The following MFSD1 variants were observed in gnomAD, a reference collection of about 807,000 sequenced individuals.
MFSD1 encodes the protein lysosomal dipeptide transporter MFSD1.
In MFSD1, 59 loss-of-function variants were observed where a neutral mutation model predicts 67.1. The ratio of observed to expected loss-of-function variants is 0.88; its 90% CI spans 0.71 to 1.09. MFSD1 has a LOEUF of 1.09. Ranked by LOEUF, MFSD1 falls within the 50% of genes least tolerant of loss-of-function variation. The pLI is 0.00. For synonymous variants in MFSD1, 213 were observed against 200.3 expected (o/e 1.06, Z -0.54); for missense variants, 552 against 566.1 (o/e 0.97, Z 0.25).
At chr3:158,812,946 C>G (rs936916758) in intron 6 of MFSD1, among the ~76,000 whole-genome samples, 1 of 152,058 alleles carries the variant, frequency 6.6e-6, no homozygotes, top group Non-Finnish European at 1.5e-5. Flanking sequence ...GAGTGCTCCT[C>G]CCTCAGGTAT....
chr3:158,822,231 G>A (rs1730720116), intron 11 of MFSD1, 91 bp downstream of exon 11: 2 of 1,274,292 alleles, frequency 1.6e-6, no homozygotes, highest in Non-Finnish European at 2.2e-6. Context: ...AAATTCAGAT[G>A]ACAAGGCCTA....
intron 11 of MFSD1, chr3:158,822,828 A>G (rs1481179224): frequency 6.4e-6 from 1 of 155,108 alleles, no homozygotes; most frequent in Non-Finnish European, 1.4e-5. Context: ...GTAATATACA[A>G]TGTGACTTTT....
rs75406278 is a variant in MFSD1 at position 158,807,377 on chromosome 3, A to G, written c.373-19A>G. 1.5e-3 allele frequency: 2,346 copies of G among 1,598,294 alleles called. 80 individuals are homozygous for G. In the East Asian group the frequency reaches 0.049, roughly 34 times the overall value. ...GAATTTACTTTTTCATTAATTTGAC[A>G]TGAACTTCTACATTATAGGTTGTTT... On this transcript the variant is annotated intron_variant, in intron 4 of 15. Transcript: ENST00000415822.
intron 7 of MFSD1, among the ~76,000 whole-genome samples, chr3:158,817,956 G>T (rs56070013): frequency 0.19 from 28,503 of 152,076 alleles, 3,116 homozygotes; most frequent in Middle Eastern, 0.31. Context: ...AATTACAGTT[G>T]TTTCAACAAG....
Position 158,824,128 on chromosome 3 carries a change from C to T in MFSD1, c.1180C>T (p.Gln394Ter). Residue 394 changes from glutamine (Q) to a stop codon, truncating the protein, a stop_gained, in exon 13 of 16, where the codon CAG becomes TAG. Coordinates refer to ENST00000415822, the MANE Select transcript of MFSD1 (RefSeq NM_022736.4). LOFTEE classifies it high-confidence loss of function. ...HQLGTAYGFMQSIQNLGLAII... is the reference protein window; with the variant it reads ...HQLGTAYGFM Reference sequence around the variant, plus strand: ...TTTATATTTCTTCCATTGTAGCATGCAGTCCATTCAGAATCTTGGGTTGGC... The same window carrying T: ...TTTATATTTCTTCCATTGTAGCATGTAGTCCATTCAGAATCTTGGGTTGGC... 6.2e-7 allele frequency: 1 copy of T among 1,607,218 alleles called. No homozygotes were observed. Among genetic ancestry groups the T allele is most frequent in the Non-Finnish European group, 8.5e-7 (1 of 1,175,352 alleles).
At chr3:158,808,782 G>C (rs1729854120) in intron 5 of MFSD1, among the ~76,000 whole-genome samples, 1 of 152,062 alleles carries the variant, frequency 6.6e-6, no homozygotes, top group Admixed American at 6.5e-5. Context: ...GGAAGGGTGG[G>C]GGCTGGGATC....
intron 3 of MFSD1, among the ~76,000 whole-genome samples, chr3:158,806,074 AG>A: frequency 6.6e-6 from 1 of 152,312 alleles, no homozygotes; most frequent in East Asian, 1.9e-4. Flanking sequence ...GTGGAACTGA[AG>A]AGGAATATAG....
intron 9 of MFSD1, among the ~76,000 whole-genome samples, chr3:158,820,666 G>A (rs1262934716): frequency 6.6e-6 from 1 of 152,210 alleles, no homozygotes; most frequent in Non-Finnish European, 1.5e-5. Flanking sequence ...AACCATGGCA[G>A]AAAGGGAAGC....
In MFSD1 at chr3:158,808,957, G is replaced by A. The variant is rs145664509; in HGVS notation, c.441-222G>A. The A allele has an allele frequency of 2.5e-4, 106 of 422,546 alleles. 1 individual carries two copies. Among genetic ancestry groups the A allele is most frequent in the African/African-American group, 2.0e-3 (96 of 49,104 alleles). The allele number at this position is 422,546 out of a possible 1,614,324, so 26.2% of individuals were successfully genotyped here. A position where few individuals can be genotyped will look rare whatever the true frequency, so the allele number is the denominator to read the frequency against. ...CAAGTGCGAGTGTCGGAGTGAAAAG[G>A]TGATGTCACCTTTTATAACTGAGCC... On this transcript the variant is annotated intron_variant, in intron 5 of 15. Transcript: ENST00000415822.
At chr3:158,809,158 T>G (rs1405962790) in intron 5 of MFSD1, 21 bp from the exon 6 acceptor site, 1 of 1,533,020 alleles carries the variant, frequency 6.5e-7, no homozygotes, top group Non-Finnish European at 8.8e-7. Context: ...TTCTGGTTTT[T>G]TTTTTTTTTT....
chr3:158,827,676 A>G (rs1731055167), intron 15 of MFSD1, among the ~76,000 whole-genome samples: 1 of 152,024 alleles, frequency 6.6e-6, no homozygotes, highest in African/African-American at 2.4e-5. Context: ...TCGGCCTCCC[A>G]AAGTGCTGGG....
At chr3:158,828,839 A>T (rs1731142081) in intron 15 of MFSD1, 140 bp from the exon 16 acceptor site, 9 of 653,722 alleles carry the variant, frequency 1.4e-5, no homozygotes, top group Non-Finnish European at 1.9e-5. Flanking sequence ...AAGAAGAGTT[A>T]AAAAATTGCT....
intron 10 of MFSD1, 43 bp from the exon 11 acceptor site, chr3:158,821,937 TTGAC>T (rs758805118): frequency 1.9e-6 from 3 of 1,575,654 alleles, no homozygotes; most frequent in African/African-American, 1.3e-5. Flanking sequence ...AAACTGATGT[TTGAC>T]TGTGTTGCAT....
intron 6 of MFSD1, among the ~76,000 whole-genome samples, chr3:158,810,838 A>G (rs1729970645): frequency 3.9e-5 from 6 of 152,226 alleles, no homozygotes; most frequent in Admixed American, 3.3e-4. Flanking sequence ...TTTGGTAAAT[A>G]GTGTGGTTTT....
intron 1 of MFSD1, 100 bp downstream of exon 1, chr3:158,802,415 C>G: frequency 7.3e-7 from 1 of 1,364,920 alleles, no homozygotes; most frequent in Non-Finnish European, 1.0e-6. Flanking sequence ...GGGGCCTCAG[C>G]GCAGCTTCTG....
intron 7 of MFSD1, among the ~76,000 whole-genome samples, chr3:158,816,313 C>A (rs1316414494): frequency 6.6e-6 from 1 of 152,176 alleles, no homozygotes; most frequent in Non-Finnish European, 1.5e-5. Flanking sequence ...TCTCCAGCAT[C>A]TGTTGTTTCC....
At chr3:158,817,442 T>G (rs372444367) in intron 7 of MFSD1, among the ~76,000 whole-genome samples, 10 of 152,170 alleles carry the variant, frequency 6.6e-5, no homozygotes, top group African/African-American at 2.4e-4. Context: ...TCAAGCATTC[T>G]TATACACCAA....
intron 7 of MFSD1, 149 bp downstream of exon 7, chr3:158,814,216 A>T (rs1021127940): frequency 2.3e-5 from 13 of 559,202 alleles, no homozygotes; most frequent in Non-Finnish European, 3.8e-5. Context: ...ACACAACTAG[A>T]AATAGGCTAT....
At chr3:158,809,013 T>G in intron 5 of MFSD1, 166 bp from the exon 6 acceptor site, 1 of 510,864 alleles carries the variant, frequency 2.0e-6, no homozygotes. Context: ...TTCCACCATA[T>G]TCTATTGGTT....
Sources: gnomAD v4.1 joint callset for allele counts (sites outside exome capture counted in the v4.1 genomes callset) on GRCh38, gnomAD v4.1.1 for gene constraint, MANE v1.5 for transcripts, NCBI Gene and HGNC (gene_info 2026-07-23, HGNC 2026-07-21) for gene names.